Variants in CNTNAP5 observed in about 807,000 individuals in gnomAD.
CNTNAP5 encodes the protein contactin-associated protein-like 5.
Under a neutral mutation model 150.2 loss-of-function variants are expected in CNTNAP5, and 72 were observed. That is an observed-to-expected ratio of 0.48 (90% CI 0.40 to 0.58). The LOEUF is 0.58. CNTNAP5 is among the 20% of genes least tolerant of loss of function. CNTNAP5 has a pLI of 0.00. For missense variants in CNTNAP5, 1,636 were observed against 1,626.2 expected (o/e 1.01, Z -0.10); for synonymous variants, 672 against 619.8 (o/e 1.08, Z -1.25).
At chr2:124,631,392 A>G (rs1677857596) in intron 12 of CNTNAP5, among the ~76,000 whole-genome samples, 1 of 152,212 alleles carries the variant, frequency 6.6e-6, no homozygotes, top group African/African-American at 2.4e-5. Flanking sequence ...GACCAATGGA[A>G]CAGAATAGAG....
At chr2:124,247,900 C>T (rs1220541417) in intron 3 of CNTNAP5, among the ~76,000 whole-genome samples, 3 of 152,098 alleles carry the variant, frequency 2.0e-5, no homozygotes, top group African/African-American at 7.2e-5. Context: ...AACATGGTCT[C>T]AAATATATTT....
At chr2:124,454,620 C>G (rs1306591221) in intron 6 of CNTNAP5, among the ~76,000 whole-genome samples, 1 of 152,016 alleles carries the variant, frequency 6.6e-6, no homozygotes, top group Admixed American at 6.6e-5. Context: ...GAATGTTCTC[C>G]AAGATAGAGG....
chr2:124,065,301 A>G (rs910541175), intron 1 of CNTNAP5, among the ~76,000 whole-genome samples: 1 of 152,188 alleles, frequency 6.6e-6, no homozygotes, highest in African/African-American at 2.4e-5. Flanking sequence ...GATAAACAAG[A>G]TAAACATTAA....
intron 7 of CNTNAP5, among the ~76,000 whole-genome samples, chr2:124,501,159 C>G (rs1227115727): frequency 6.6e-6 from 1 of 152,202 alleles, no homozygotes; most frequent in Non-Finnish European, 1.5e-5. Flanking sequence ...AAGGTTTGAT[C>G]AATGCATCCT....
chr2:124,064,323 C>T (rs758002383), intron 1 of CNTNAP5, among the ~76,000 whole-genome samples: 38 of 152,170 alleles, frequency 2.5e-4, no homozygotes, highest in Admixed American at 5.9e-4. Context: ...ATAGGGTTCC[C>T]ATAGTTTGTT....
At chr2:124,060,464 C>G (rs1366740852) in intron 1 of CNTNAP5, among the ~76,000 whole-genome samples, 1 of 152,192 alleles carries the variant, frequency 6.6e-6, no homozygotes, top group Admixed American at 6.5e-5. Flanking sequence ...GTCTGAGAAG[C>G]AGCATTACGG....
At chr2:124,733,230 A>G (rs1680310096) in intron 13 of CNTNAP5, among the ~76,000 whole-genome samples, 1 of 152,176 alleles carries the variant, frequency 6.6e-6, no homozygotes, top group South Asian at 2.1e-4. Context: ...GGAATATTAT[A>G]CATATAATTA....
At chr2:124,607,084 T>C (rs1677247767) in intron 11 of CNTNAP5, among the ~76,000 whole-genome samples, 1 of 152,206 alleles carries the variant, frequency 6.6e-6, no homozygotes, top group Admixed American at 6.5e-5. Flanking sequence ...TGAGTTACTG[T>C]AGTCTAATGA....
At chr2:124,079,907 C>T (rs1866479) in intron 1 of CNTNAP5, among the ~76,000 whole-genome samples, 42,584 of 152,022 alleles carry the variant, frequency 0.28, 6,379 homozygotes, top group Admixed American at 0.36. Flanking sequence ...TCTTCCTATC[C>T]ATAAAACATG....
intron 12 of CNTNAP5, among the ~76,000 whole-genome samples, chr2:124,621,545 G>C (rs906207232): frequency 7.2e-5 from 11 of 152,168 alleles, no homozygotes; most frequent in Non-Finnish European, 1.6e-4. Context: ...TAGGTAGAAA[G>C]CTGCAATTGA....
chr2:124,816,488 T>TG, intron 19 of CNTNAP5, among the ~76,000 whole-genome samples: 1 of 148,994 alleles, frequency 6.7e-6, no homozygotes, highest in East Asian at 2.0e-4. Flanking sequence ...TTTTTTTTTT[T>TG]TTTTTTGAGA....
At chr2:124,637,228 C>A (rs1338627711) in intron 12 of CNTNAP5, among the ~76,000 whole-genome samples, 1 of 152,152 alleles carries the variant, frequency 6.6e-6, no homozygotes, top group Non-Finnish European at 1.5e-5. Flanking sequence ...GACCCTTCAA[C>A]CTCCTTTAAT....
intron 1 of CNTNAP5, among the ~76,000 whole-genome samples, chr2:124,166,654 C>G (rs1034658680): frequency 6.6e-6 from 1 of 152,164 alleles, no homozygotes; most frequent in Non-Finnish European, 1.5e-5. Flanking sequence ...TAACAGAAAC[C>G]ACCAAAAGAA....
At chr2:124,908,927 A>T (rs1678597180) in intron 22 of CNTNAP5, among the ~76,000 whole-genome samples, 1 of 152,168 alleles carries the variant, frequency 6.6e-6, no homozygotes, top group African/African-American at 2.4e-5. Flanking sequence ...ATTTTTGTAT[A>T]GTTGTATGAT....
chr2:124,121,714 C>G (rs1444176525), intron 1 of CNTNAP5, among the ~76,000 whole-genome samples: 1 of 152,156 alleles, frequency 6.6e-6, no homozygotes. Flanking sequence ...CCCAATCATT[C>G]CTAAACTATC....
chr2:124,861,098 AC>A (rs1311838320), intron 19 of CNTNAP5, among the ~76,000 whole-genome samples: 1 of 151,866 alleles, frequency 6.6e-6, no homozygotes, highest in Non-Finnish European at 1.5e-5. Flanking sequence ...ATGATGGAAT[AC>A]CTGTGCTAAG....
intron 7 of CNTNAP5, among the ~76,000 whole-genome samples, chr2:124,477,097 T>TA (rs1398234776): frequency 6.6e-6 from 1 of 152,134 alleles, no homozygotes; most frequent in East Asian, 1.9e-4. Flanking sequence ...CTTTTAGTTG[T>TA]ACTTAGCAGA....
intron 21 of CNTNAP5, among the ~76,000 whole-genome samples, chr2:124,893,449 A>G (rs1678240760): frequency 6.6e-6 from 1 of 152,114 alleles, no homozygotes; most frequent in South Asian, 2.1e-4. Flanking sequence ...TAGTTCCATG[A>G]CCTTTAAAAT....
At chr2:124,399,821 G>A (rs1046199880) in intron 3 of CNTNAP5, among the ~76,000 whole-genome samples, 1 of 152,130 alleles carries the variant, frequency 6.6e-6, no homozygotes, top group African/African-American at 2.4e-5. Flanking sequence ...GTAACATAGG[G>A]CTTGGTGAAC....
Sources: gnomAD v4.1 joint callset for allele counts (sites outside exome capture counted in the v4.1 genomes callset) on GRCh38, gnomAD v4.1.1 for gene constraint, MANE v1.5 for transcripts, NCBI Gene and HGNC (gene_info 2026-07-23, HGNC 2026-07-21) for gene names.